SLC15A1: variants seen among roughly 807,000 people sequenced by gnomAD.
SLC15A1 encodes Caco-2 oligopeptide transporter.
A neutral mutation model predicts 92.9 loss-of-function variants in SLC15A1; 83 were observed. That is an observed-to-expected ratio of 0.89 (90% CI 0.75 to 1.07). The LOEUF is 1.07. SLC15A1 is among the 50% of genes least tolerant of loss of function. The probability of loss-of-function intolerance (pLI) is 0.00; values close to 1 mark genes in which losing one functional copy is unlikely to be tolerated. For missense variants in SLC15A1, 857 were observed against 880.1 expected (o/e 0.97, Z 0.33); for synonymous variants, 322 against 318.2 (o/e 1.01, Z -0.13).
rs149018907 is a variant in SLC15A1, at chr13:98,727,170, T to G, written c.5-311A>C. On this transcript the variant is annotated intron_variant, in intron 1 of 22. Transcript: ENST00000376503. ...TCAAAGGCCGCCCATCGGGATAAAA[T>G]CCACACATTCTAGCATGTTCTTCAA... Among the ~76,000 whole-genome samples the G allele has an allele frequency of 2.9e-3, 440 of 152,284 alleles. 4 individuals are homozygous for G. Among genetic ancestry groups the G allele is most frequent in the Admixed American group, 8.2e-3 (125 of 15,296 alleles).
At chr13:98,686,473 A>G (rs1254192802) in intron 21 of SLC15A1, among the ~76,000 whole-genome samples, 176 bp from the exon 22 acceptor site, 2 of 152,242 alleles carry the variant, frequency 1.3e-5, no homozygotes, top group Non-Finnish European at 2.9e-5. Context: ...AAACATGCAC[A>G]GACGAGTAGA....
chr13:98,701,667 ATTTTTT>A (rs34078820), intron 18 of SLC15A1, among the ~76,000 whole-genome samples: 7 of 115,566 alleles, frequency 6.1e-5, no homozygotes, highest in South Asian at 5.8e-4. Context: ...TACTCAGCTA[ATTTTTT>A]TTTTTTTTTT....
intron 15 of SLC15A1, among the ~76,000 whole-genome samples, chr13:98,707,025 C>A (rs1319987873): frequency 6.6e-6 from 1 of 152,214 alleles, no homozygotes; most frequent in Non-Finnish European, 1.5e-5. Context: ...CAGCAGTGTA[C>A]ACATCTCACA....
rs1032771009 is a variant in SLC15A1 at position 98,752,630 on chromosome 13, C to G, written c.-32G>C. ...GGCTCCCAGGGCTCCTGCGACCTGCCGGCGGGACGTGCTCCTGGCAGGTGC... is the reference window on the plus strand; with the variant it reads ...GGCTCCCAGGGCTCCTGCGACCTGCGGGCGGGACGTGCTCCTGGCAGGTGC... On this transcript the variant is annotated 5_prime_UTR_variant, in exon 1 of 23. Coordinates refer to ENST00000376503, the MANE Select transcript of SLC15A1 (RefSeq NM_005073.4). 2.0e-5 allele frequency: 25 copies of G among 1,251,742 alleles called. No homozygotes were observed. Among genetic ancestry groups the G allele is most frequent in the Middle Eastern group, 4.2e-4 (2 of 4,748 alleles). The allele number at this position is 1,251,742 out of a possible 1,614,324, so 77.5% of individuals were successfully genotyped here.
At chr13:98,705,010 C>A (rs541347696) in intron 16 of SLC15A1, among the ~76,000 whole-genome samples, 2 of 151,772 alleles carry the variant, frequency 1.3e-5, no homozygotes, top group Non-Finnish European at 2.9e-5. Flanking sequence ...ACCAGCCTGG[C>A]CAACATGGCA....
intron 1 of SLC15A1, among the ~76,000 whole-genome samples, chr13:98,746,264 T>C (rs1483323771): frequency 6.6e-6 from 1 of 152,202 alleles, no homozygotes; most frequent in African/African-American, 2.4e-5. Context: ...TTTTCTTTAG[T>C]CTATCATTGA....
Position 98,721,559 on chromosome 13 carries a change from G to A in SLC15A1, c.492C>T (p.Ser164=), listed in dbSNP as rs1042348572. The A allele has an allele frequency of 1.1e-5, 18 of 1,601,564 alleles. No individual in the cohort carries two copies. The highest frequency in any genetic ancestry group is 2.2e-5 in the East Asian group (1 of 44,730). Residue 164 remains serine (S), a synonymous_variant, in exon 7 of 23, where the codon TCC becomes TCT. Coordinates refer to ENST00000376503, the MANE Select transcript of SLC15A1 (RefSeq NM_005073.4). ...CAGCATTAATAGCCAAGTAAAAGATGGAAAAAAATCTGTTTCTTTGTTTCT... is the reference window on the plus strand; with the variant it reads ...CAGCATTAATAGCCAAGTAAAAGATAGAAAAAAATCTGTTTCTTTGTTTCT... ...GQEKQRNRFF[S]IFYLAINAGS...
chr13:98,721,577 T>C lies in SLC15A1; in HGVS notation c.474A>G (p.Gln158=), dbSNP rs749961349. The change falls in exon 7 of 23, where the codon CAA becomes CAG. Residue 158 remains glutamine, a synonymous_variant. Coordinates refer to ENST00000376503, the MANE Select transcript of SLC15A1 (RefSeq NM_005073.4). The part of the protein sequence containing the change: ...GDQFEEGQEK[Q]RNRFFSIFYL... ...AAAAGATGGAAAAAAATCTGTTTCTTTGTTTCTCCTGCAATGAAAAGGAGA... is the reference window on the plus strand; with the variant it reads ...AAAAGATGGAAAAAAATCTGTTTCTCTGTTTCTCCTGCAATGAAAAGGAGA... The C allele has an allele frequency of 1.2e-6, 2 of 1,603,154 alleles. No homozygotes were observed. Among genetic ancestry groups the C allele is most frequent in the South Asian group, 2.2e-5 (2 of 90,128 alleles).
rs1426484528 is a variant in SLC15A1 at position 98,708,754 on chromosome 13, T to C, written c.1081A>G (p.Met361Val). 1.2e-6 allele frequency: 2 copies of C among 1,611,648 alleles called. No homozygotes were observed. The highest frequency in any genetic ancestry group is 2.2e-5 in the East Asian group (1 of 44,614). Residue 361 changes from methionine (M) to valine (V), a missense_variant, in exon 15 of 23, where the codon ATG becomes GTG. Met to Val is a conservative substitution (Grantham distance 21, BLOSUM62 1). Transcript: ENST00000376503. ...GAGGCCAGGACCATGCCAACTGCCA[T>C]CTTCTTCAAGGAGCTGATGGCACAA... Reference protein sequence around the residue: ...CGFNFTSLKKMAVGMVLASMA... With the variant: ...CGFNFTSLKKVAVGMVLASMA...
intron 21 of SLC15A1, among the ~76,000 whole-genome samples, chr13:98,687,372 C>T (rs1197889331): frequency 2.6e-5 from 4 of 152,142 alleles, no homozygotes; most frequent in South Asian, 2.1e-4. Flanking sequence ...CATGTGAACA[C>T]GTGCTCTTGC....
intron 1 of SLC15A1, among the ~76,000 whole-genome samples, chr13:98,732,553 T>C (rs2088359661): frequency 6.6e-6 from 1 of 152,198 alleles, no homozygotes; most frequent in South Asian, 2.1e-4. Flanking sequence ...TATTTCCTAC[T>C]ATTTATATAA....
At chr13:98,734,196 C>T (rs2088372105) in intron 1 of SLC15A1, among the ~76,000 whole-genome samples, 1 of 152,144 alleles carries the variant, frequency 6.6e-6, no homozygotes. Context: ...GAACTCTGGC[C>T]TCAAGTGATC....
chr13:98,726,851 T>C lies in SLC15A1; in HGVS notation c.13A>G (p.Lys5Glu), dbSNP rs771811116. Residue 5 changes from lysine (K) to glutamate (E), a missense_variant, in exon 2 of 23, where the codon AAA becomes GAA. By Grantham distance (56) the Lys-to-Glu change is moderately conservative. Coordinates refer to ENST00000376503, the MANE Select transcript of SLC15A1 (RefSeq NM_005073.4). ...GGAAAAAGGGTACTCACGTGTGATT[T>C]GGACATTCCTAAAAGAAAAACAGAA... MGMSKSHSFFGYPLS... is the reference protein window; with the variant it reads MGMSESHSFFGYPLS... The C allele has an allele frequency of 3.7e-6, 6 of 1,613,494 alleles. No homozygotes were observed. Among genetic ancestry groups the C allele is most frequent in the East Asian group, 2.2e-5 (1 of 44,892 alleles).
At chr13:98,734,544 T>G (rs553965732) in intron 1 of SLC15A1, among the ~76,000 whole-genome samples, 1 of 152,284 alleles carries the variant, frequency 6.6e-6, no homozygotes, top group African/African-American at 2.4e-5. Context: ...AAGGGAAGAC[T>G]GTACCAGGAA....
chr13:98,721,083 C>CA (rs1397779373), intron 7 of SLC15A1: 15 of 470,526 alleles, frequency 3.2e-5, no homozygotes, highest in African/African-American at 3.0e-4. Context: ...AAAATCAATA[C>CA]AATTTTGCCC....
intron 1 of SLC15A1, among the ~76,000 whole-genome samples, chr13:98,742,119 A>G (rs1198528095): frequency 6.6e-6 from 1 of 152,208 alleles, no homozygotes; most frequent in Admixed American, 6.5e-5. Flanking sequence ...AGAACACAAG[A>G]GAATGGGAAG....
At chr13:98,745,703 C>A (rs2088487779) in intron 1 of SLC15A1, among the ~76,000 whole-genome samples, 1 of 152,184 alleles carries the variant, frequency 6.6e-6, no homozygotes, top group Non-Finnish European at 1.5e-5. Context: ...GCCCTGCTGA[C>A]CCCTTGACTC....
intron 1 of SLC15A1, among the ~76,000 whole-genome samples, chr13:98,730,716 C>T (rs1347990953): frequency 6.6e-6 from 1 of 152,254 alleles, no homozygotes; most frequent in Non-Finnish European, 1.5e-5. Flanking sequence ...GCGCCGCTTC[C>T]CACAGAGGGG....
intron 9 of SLC15A1, among the ~76,000 whole-genome samples, chr13:98,715,439 C>T (rs2088205257): frequency 6.6e-6 from 1 of 152,256 alleles, no homozygotes; most frequent in South Asian, 2.1e-4. Flanking sequence ...TCCCAAAGTG[C>T]TGGGACTACG....
Sources: gnomAD v4.1 joint callset for allele counts (sites outside exome capture counted in the v4.1 genomes callset) on GRCh38, gnomAD v4.1.1 for gene constraint, MANE v1.5 for transcripts, NCBI Gene and HGNC (gene_info 2026-07-23, HGNC 2026-07-21) for gene names.